SEPTIN12: variants seen among roughly 807,000 people sequenced by gnomAD.
SEPTIN12 encodes septin-12.
SEPTIN12 carries 42 observed loss-of-function variants against 37.7 expected under a neutral mutation model. The observed-to-expected ratio is 1.11, with a 90% confidence interval of 0.87 to 1.44. SEPTIN12 has a LOEUF of 1.44. Ranked by LOEUF, SEPTIN12 falls within the 40% of genes most tolerant of loss-of-function variation. The pLI is 0.00. For missense variants in SEPTIN12, 613 were observed against 479.2 expected, an observed-to-expected ratio of 1.28 and a Z score of -2.61; for synonymous variants, 254 against 196.7, an observed-to-expected ratio of 1.29 and a Z score of -2.44.
intron 2 of SEPTIN12, among the ~76,000 whole-genome samples, chr16:4,787,005 G>T (rs145150279): frequency 1.3e-5 from 2 of 151,608 alleles, no homozygotes; most frequent in Admixed American, 1.3e-4. Context: ...CTCCTAAGTA[G>T]CTCCTAAGTA....
intron 2 of SEPTIN12, among the ~76,000 whole-genome samples, chr16:4,786,497 G>C (rs1163790157): frequency 6.6e-6 from 1 of 152,050 alleles, no homozygotes; most frequent in African/African-American, 2.4e-5. Context: ...TGGGACTACA[G>C]GCGCCCGCCA....
chr16:4,784,164 C>A (rs8043579), intron 4 of SEPTIN12, 96 bp from the exon 5 acceptor site: 3 of 1,456,508 alleles, frequency 2.1e-6, no homozygotes, highest in Non-Finnish European at 2.8e-6. Flanking sequence ...TCCCTTGGGA[C>A]GACGAATCGT....
At chr16:4,788,612 G>A (rs528126272), upstream of SEPTIN12, 10 of 152,290 alleles carry the variant, frequency 6.6e-5, no homozygotes, top group African/African-American at 2.2e-4. Flanking sequence ...GCTGGCTAGC[G>A]GGATATCCGT....
chr16:4,789,510 T>G (rs1232242468), upstream of SEPTIN12, among the ~76,000 whole-genome samples: 1 of 151,972 alleles, frequency 6.6e-6, no homozygotes, highest in Non-Finnish European at 1.5e-5. Flanking sequence ...CTATTTTTAG[T>G]AGAGACTGGT....
chr16:4,783,519 G>A lies in SEPTIN12; in HGVS notation c.669C>T (p.Tyr223=), dbSNP rs776603368. 2 of 1,614,050 alleles carry A rather than the reference G, an allele frequency of 1.2e-6. No individual in the cohort carries two copies. The highest frequency in any genetic ancestry group is 4.5e-5 in the East Asian group (2 of 44,892). The part of the protein sequence containing the change: ...QNLRTHCIDV[Y]PQMCFDEDIN... ...TGTCCTCGTCAAAGCACATCTGGGGGTAGACGTCGATGCAGTGGGTCCTCA... is the reference window on the plus strand; with the variant it reads ...TGTCCTCGTCAAAGCACATCTGGGGATAGACGTCGATGCAGTGGGTCCTCA... Residue 223 remains tyrosine (Y), a synonymous_variant, in exon 7 of 10, where the codon TAC becomes TAT. Transcript: ENST00000268231.
chr16:4,777,801 A>G lies in SEPTIN12; in HGVS notation c.1073T>C (p.Phe358Ser), dbSNP rs992338919. Reference sequence around the variant, plus strand: ...AGCCCCGGGATCCGCCGGTGGTCAGAACTCATCATCAGAATCGTCATGGGC... The same window carrying G: ...AGCCCCGGGATCCGCCGGTGGTCAGGACTCATCATCAGAATCGTCATGGGC... Reference protein sequence around the residue: ...RGAHDDSDDEF With the variant: ...RGAHDDSDDES The change falls in exon 10 of 10, where the codon TTC becomes TCC. Residue 358 changes from phenylalanine (F) to serine (S), a missense_variant. Physicochemically the swap from Phe to Ser is radical, Grantham distance 155 (BLOSUM62 -2). Coordinates refer to ENST00000268231, the MANE Select transcript of SEPTIN12 (RefSeq NM_144605.5). 6.4e-7 allele frequency: 1 copy of G among 1,552,742 alleles called. No homozygotes were observed. Among genetic ancestry groups the G allele is most frequent in the Admixed American group, 2.0e-5 (1 of 50,054 alleles).
chr16:4,777,993 T>C lies in SEPTIN12; in HGVS notation c.881A>G (p.His294Arg). The C allele has an allele frequency of 1.2e-6, 2 of 1,612,090 alleles. No homozygotes were observed. Among genetic ancestry groups the C allele is most frequent in the Non-Finnish European group, 1.7e-6 (2 of 1,179,102 alleles). ...GGTTATGTCCTTCAGGTCTTGGAGG[T>C]GGGAGCTGGGGGACCGGAGACGGTC... ...PLLRDLLIRS[H>R]LQDLKDITHN... Residue 294 changes from histidine to arginine, a missense_variant, in exon 10 of 10, where the codon CAC becomes CGC. His to Arg is a conservative substitution (Grantham distance 29). Transcript: ENST00000268231.
At chr16:4,787,714 A>G in intron 1 of SEPTIN12, 47 bp from the exon 2 acceptor site, 1 of 791,760 alleles carries the variant, frequency 1.3e-6, no homozygotes, top group East Asian at 2.6e-5. Context: ...GGCTCAGAGG[A>G]GCCCACATTG....
At chr16:4,784,346 AG>A (rs1257168386) in intron 4 of SEPTIN12, 4 of 421,758 alleles carry the variant, frequency 9.5e-6, no homozygotes, top group South Asian at 2.8e-5. Flanking sequence ...ACTGTATTAA[AG>A]GGCCACAGCT....
At chr16:4,784,617 C>CGG (rs1555488580) in intron 4 of SEPTIN12, among the ~76,000 whole-genome samples, 2 of 151,164 alleles carry the variant, frequency 1.3e-5, no homozygotes, top group South Asian at 4.2e-4. Flanking sequence ...AAAAAATACA[C>CGG]AAATTAGCTC....
intron 7 of SEPTIN12, among the ~76,000 whole-genome samples, chr16:4,782,731 G>A (rs924102144): frequency 1.2e-4 from 19 of 152,058 alleles, no homozygotes; most frequent in African/African-American, 4.6e-4. Flanking sequence ...AGCCTCCTGA[G>A]TAGCTGGGCT....
chr16:4,783,709 C>A lies in SEPTIN12; in HGVS notation c.570G>T (p.Val190=), dbSNP rs745727659. The A allele has an allele frequency of 6.2e-7, 1 of 1,614,102 alleles. No individual in the cohort carries two copies. Among genetic ancestry groups the A allele is most frequent in the East Asian group, 2.2e-5 (1 of 44,880 alleles). The change falls in exon 6 of 10, where the codon GTG becomes GTT. Residue 190 remains valine (V), a synonymous_variant. Transcript: ENST00000268231. ...LQRLCRTVNV[V]PVIARADSLT... is the part of the protein sequence containing the mutation. ...GGCTGTCGGCCCTGGCAATCACGGG[C>A]ACCACATTCACAGTCCGGCACAGCC...
intron 1 of SEPTIN12, 74 bp from the exon 2 acceptor site, chr16:4,787,741 C>G: frequency 1.5e-6 from 1 of 658,880 alleles, no homozygotes; most frequent in Non-Finnish European, 2.6e-6. Context: ...CCTATCTGAA[C>G]CCCTATTTGA....
intron 2 of SEPTIN12, among the ~76,000 whole-genome samples, chr16:4,787,051 T>A (rs375190491): frequency 9.1e-4 from 138 of 152,228 alleles, no homozygotes; most frequent in African/African-American, 3.2e-3. Context: ...AATTTTTGTA[T>A]TTTTAGTAGA....
At chr16:4,788,946 C>T (rs2082504314), upstream of SEPTIN12, among the ~76,000 whole-genome samples, 1 of 152,216 alleles carries the variant, frequency 6.6e-6, no homozygotes, top group Non-Finnish European at 1.5e-5. Flanking sequence ...GAGATGCCCT[C>T]TTTAAATAGG....
chr16:4,783,566 C>G lies in SEPTIN12; in HGVS notation c.631-9G>C. On this transcript the variant is annotated splice_polypyrimidine_tract_variant and intron_variant, in intron 6 of 9. Transcript: ENST00000268231. ...CTCAGGTTCTGCTGGATCTGGAGAT[C>G]CCACACAGGTGACCTCAGCCCACCC... 1.2e-6 allele frequency: 2 copies of G among 1,613,664 alleles called. No homozygotes were observed. Among genetic ancestry groups the G allele is most frequent in the East Asian group, 2.2e-5 (1 of 44,866 alleles).
chr16:4,787,437 G>C (rs373116265), intron 2 of SEPTIN12, 43 bp downstream of exon 2: 70 of 1,590,860 alleles, frequency 4.4e-5, no homozygotes, highest in Non-Finnish European at 5.8e-5. Context: ...GGCACGCGTA[G>C]CACTGTGGGT....
rs2141873131 is a variant in SEPTIN12, at chr16:4,783,665, T to A, written c.614A>T (p.Glu205Val). The A allele has an allele frequency of 1.2e-6, 2 of 1,614,004 alleles. No homozygotes were observed. The highest frequency in any genetic ancestry group is 2.2e-5 in the South Asian group (2 of 91,082). The change falls in exon 6 of 10, where the codon GAG (glutamate) becomes GTG (valine). Residue 205 changes from glutamate (E) to valine (V), a missense_variant. Physicochemically the swap from Glu to Val is moderately radical, Grantham distance 121. Coordinates refer to ENST00000268231, the MANE Select transcript of SEPTIN12 (RefSeq NM_144605.5). Reference sequence around the variant, plus strand: ...CCAGATCACCCTGCGCCTGAAGGCCTCTCGCTCCTCCATGGTCAGGCTGTC... The same window carrying A: ...CCAGATCACCCTGCGCCTGAAGGCCACTCGCTCCTCCATGGTCAGGCTGTC... Reference protein sequence around the residue: ...RADSLTMEEREAFRRRIQQNL... With the variant: ...RADSLTMEERVAFRRRIQQNL...
intron 8 of SEPTIN12, among the ~76,000 whole-genome samples, chr16:4,778,472 C>T (rs12932724): frequency 1.4e-4 from 21 of 152,088 alleles, no homozygotes; most frequent in African/African-American, 4.6e-4. Flanking sequence ...CCACCCTCTG[C>T]GGATAGCATG....
Sources: gnomAD v4.1 joint callset for allele counts (sites outside exome capture counted in the v4.1 genomes callset) on GRCh38, gnomAD v4.1.1 for gene constraint, MANE v1.5 for transcripts, NCBI Gene and HGNC (gene_info 2026-07-23, HGNC 2026-07-21) for gene names.